The following TMTC2 variants were observed in gnomAD, a reference collection of about 807,000 sequenced individuals.
TMTC2 encodes the protein protein O-mannosyl-transferase TMTC2.
In TMTC2, 43 loss-of-function variants were observed where a neutral mutation model predicts 82.4. The ratio of observed to expected loss-of-function variants is 0.52; its 90% confidence interval spans 0.41 to 0.67. TMTC2 has a LOEUF of 0.67. Ranked by LOEUF, TMTC2 falls within the 30% of genes least tolerant of loss-of-function variation. The pLI is 0.00. For synonymous variants in TMTC2, 408 were observed against 381.9 expected (o/e 1.07, Z -0.80); for missense variants, 919 against 1,012.4 (o/e 0.91, Z 1.25).
chr12:82,765,947 C>T (rs1299011755), intron 1 of TMTC2, among the ~76,000 whole-genome samples: 1 of 152,124 alleles, frequency 6.6e-6, no homozygotes, highest in African/African-American at 2.4e-5. Flanking sequence ...GTTTCAACAT[C>T]ATTATTTCTG....
chr12:82,753,180 C>T (rs919992762), intron 1 of TMTC2, among the ~76,000 whole-genome samples: 1 of 152,172 alleles, frequency 6.6e-6, no homozygotes, highest in African/African-American at 2.4e-5. Flanking sequence ...CCACTCATCA[C>T]TTTTGCCCTC....
intron 11 of TMTC2, among the ~76,000 whole-genome samples, chr12:83,122,268 C>T (rs7955011): frequency 0.025 from 3,778 of 151,528 alleles, 154 homozygotes; most frequent in African/African-American, 0.088. Flanking sequence ...AAGCAAGTGT[C>T]GCTTTCCTTC....
At chr12:82,796,340 T>C (rs1268439110) in intron 1 of TMTC2, among the ~76,000 whole-genome samples, 1 of 152,166 alleles carries the variant, frequency 6.6e-6, no homozygotes, top group Non-Finnish European at 1.5e-5. Flanking sequence ...AGTTCTGTAA[T>C]AGACTGATAC....
At chr12:82,903,557 G>A (rs1159399579) in intron 3 of TMTC2, among the ~76,000 whole-genome samples, 4 of 152,012 alleles carry the variant, frequency 2.6e-5, no homozygotes, top group African/African-American at 7.2e-5. Context: ...GACTACAGGC[G>A]CCCGCCACCA....
chr12:82,799,892 A>T (rs1312869673), intron 1 of TMTC2, among the ~76,000 whole-genome samples: 1 of 152,060 alleles, frequency 6.6e-6, no homozygotes, highest in African/African-American at 2.4e-5. Flanking sequence ...TTTCACCATC[A>T]CATGTGCCAG....
chr12:83,116,273 G>A (rs936425789), intron 11 of TMTC2, among the ~76,000 whole-genome samples: 2 of 151,836 alleles, frequency 1.3e-5, no homozygotes, highest in African/African-American at 2.4e-5. Context: ...TTATGGCTGA[G>A]TAGTATTCCA....
At chr12:83,125,905 A>G (rs1464177974) in intron 11 of TMTC2, among the ~76,000 whole-genome samples, 1 of 152,176 alleles carries the variant, frequency 6.6e-6, no homozygotes, top group African/African-American at 2.4e-5. Context: ...CAATTTGGTA[A>G]TAGCTAGCAA....
At chr12:82,869,606 G>A (rs1304915236) in intron 2 of TMTC2, among the ~76,000 whole-genome samples, 1 of 152,050 alleles carries the variant, frequency 6.6e-6, no homozygotes, top group Non-Finnish European at 1.5e-5. Flanking sequence ...TTGGGAGGCC[G>A]AGGTGGGTGG....
intron 3 of TMTC2, among the ~76,000 whole-genome samples, chr12:82,915,153 A>G (rs1222351173): frequency 6.6e-6 from 1 of 152,146 alleles, no homozygotes; most frequent in African/African-American, 2.4e-5. Context: ...TGAGAAACTA[A>G]GAGAGGCAGG....
In TMTC2 at chr12:82,840,026, T is replaced by C. The variant is rs56200147; in HGVS notation, c.84-16984T>C. 3.0e-3 allele frequency among the ~76,000 whole-genome samples: 451 copies of C among 152,240 alleles called. 1 individual carries two copies. Among genetic ancestry groups the C allele is most frequent in the African/African-American group, 0.01 (421 of 41,538 alleles). ...AGAATATGCAAAGAGGAAAGATAAA[T>C]GATACCAGTAACTGCATGCTATATA... On this transcript the variant is annotated intron_variant, in intron 1 of 11. Transcript: ENST00000321196.
chr12:82,917,509 G>T (rs1317228126), intron 3 of TMTC2, among the ~76,000 whole-genome samples: 1 of 152,016 alleles, frequency 6.6e-6, no homozygotes, highest in Non-Finnish European at 1.5e-5. Context: ...GTACAAACTG[G>T]ATGATAATGT....
chr12:82,848,534 A>G (rs1041952183), intron 1 of TMTC2, among the ~76,000 whole-genome samples: 3 of 152,094 alleles, frequency 2.0e-5, no homozygotes, highest in Non-Finnish European at 4.4e-5. Context: ...TATTTTGCTC[A>G]TCATTCCATT....
chr12:82,718,366 T>G (rs1304082346), intron 1 of TMTC2, among the ~76,000 whole-genome samples: 1 of 152,180 alleles, frequency 6.6e-6, no homozygotes, highest in African/African-American at 2.4e-5. Context: ...ATGCTAGAAA[T>G]CAGTTAAACC....
At chr12:82,744,614 G>A (rs1054310319) in intron 1 of TMTC2, among the ~76,000 whole-genome samples, 4 of 147,196 alleles carry the variant, frequency 2.7e-5, no homozygotes, top group African/African-American at 5.0e-5. Flanking sequence ...GCAGCAAGGG[G>A]TGGACAGGGA....
At chr12:82,868,834 G>A (rs1408140831) in intron 2 of TMTC2, among the ~76,000 whole-genome samples, 2 of 151,960 alleles carry the variant, frequency 1.3e-5, no homozygotes, top group East Asian at 1.9e-4. Flanking sequence ...GAAACGTTGA[G>A]TCTGGCTTTG....
chr12:82,888,608 G>A (rs1439308985), intron 2 of TMTC2, among the ~76,000 whole-genome samples: 1 of 152,186 alleles, frequency 6.6e-6, no homozygotes, highest in Non-Finnish European at 1.5e-5. Context: ...GAGCCTTTGT[G>A]TGGGATATTG....
At chr12:82,983,504 A>G (rs930428870) in intron 7 of TMTC2, among the ~76,000 whole-genome samples, 1 of 152,062 alleles carries the variant, frequency 6.6e-6, no homozygotes, top group Non-Finnish European at 1.5e-5. Flanking sequence ...AAAAGCAAGT[A>G]TACTTTCTGA....
chr12:83,079,798 C>T (rs1435305480), intron 11 of TMTC2, among the ~76,000 whole-genome samples: 1 of 152,044 alleles, frequency 6.6e-6, no homozygotes, highest in Non-Finnish European at 1.5e-5. Flanking sequence ...AATACATGGA[C>T]ATATATCTTA....
At chr12:82,759,556 A>G (rs1428048038) in intron 1 of TMTC2, 1 of 152,212 alleles carries the variant, frequency 6.6e-6, no homozygotes, top group African/African-American at 2.4e-5. Context: ...ATTCATAAGC[A>G]CTGAGTTGTA....
Sources: allele counts gnomAD v4.1 joint callset (sites outside exome capture counted in the v4.1 genomes callset), GRCh38; gene constraint gnomAD v4.1.1; transcripts MANE v1.5; gene names NCBI Gene and HGNC (gene_info 2026-07-23, HGNC 2026-07-21).